Variants in MGAT4C observed in about 807,000 individuals in gnomAD.
MGAT4C encodes the protein alpha-1,3-mannosyl-glycoprotein 4-beta-N-acetylglucosaminyltransferase C.
In MGAT4C, 19 loss-of-function variants were observed where a neutral mutation model predicts 40.1. The ratio of observed to expected loss-of-function variants is 0.47; its 90% CI spans 0.33 to 0.70. MGAT4C has a LOEUF of 0.70. MGAT4C is among the 30% of genes least tolerant of loss of function. The probability of loss-of-function intolerance (pLI) is 0.02; values close to 1 mark genes in which losing one functional copy is unlikely to be tolerated. For missense variants in MGAT4C, 491 were observed against 563.2 expected (o/e 0.87, Z 1.30); for synonymous variants, 181 against 187.1 (o/e 0.97, Z 0.27).
chr12:86,769,427 C>T (rs1372159757), intron 1 of MGAT4C, among the ~76,000 whole-genome samples: 3 of 152,098 alleles, frequency 2.0e-5, no homozygotes, highest in African/African-American at 4.8e-5. Context: ...GGATTGTAAA[C>T]TAGTTCAACC....
intron 2 of MGAT4C, among the ~76,000 whole-genome samples, chr12:86,539,534 T>A (rs559858886): frequency 3.3e-5 from 5 of 152,226 alleles, no homozygotes; most frequent in Non-Finnish European, 7.3e-5. Flanking sequence ...TTTGGGTATG[T>A]ACCCAGTAAT....
chr12:86,481,320 G>T (rs1011965306), intron 2 of MGAT4C, among the ~76,000 whole-genome samples: 5 of 151,976 alleles, frequency 3.3e-5, no homozygotes, highest in African/African-American at 4.8e-5. Context: ...AATTGGCAAA[G>T]ATTTTTTTAA....
chr12:86,597,218 T>C (rs1401736515), intron 2 of MGAT4C, among the ~76,000 whole-genome samples: 1 of 152,206 alleles, frequency 6.6e-6, no homozygotes, highest in Non-Finnish European at 1.5e-5. Context: ...CCCGGCAGTT[T>C]CATTCCTGTA....
intron 2 of MGAT4C, among the ~76,000 whole-genome samples, chr12:86,447,289 C>A (rs905467283): frequency 1.3e-5 from 2 of 152,098 alleles, no homozygotes; most frequent in African/African-American, 2.4e-5. Context: ...CCACTCCTGG[C>A]TAATTTTGTA....
chr12:86,761,119 T>C (rs1951397447), intron 1 of MGAT4C, among the ~76,000 whole-genome samples: 1 of 152,184 alleles, frequency 6.6e-6, no homozygotes, highest in East Asian at 1.9e-4. Context: ...AAATTGCTGA[T>C]TTGGGCATAA....
intron 3 of MGAT4C, among the ~76,000 whole-genome samples, chr12:86,405,076 T>C (rs894468699): frequency 2.0e-5 from 3 of 152,042 alleles, no homozygotes; most frequent in East Asian, 1.9e-4. Context: ...CTATGAAAGA[T>C]TCCCCAGAAT....
chr12:86,129,222 C>T (rs1404958446), intron 1 of MGAT4C, among the ~76,000 whole-genome samples: 3 of 124,644 alleles, frequency 2.4e-5, no homozygotes, highest in South Asian at 2.9e-4. Flanking sequence ...TTAAGCATTT[C>T]GTGGGGTGGG....
At position 86,233,754 on chromosome 12, in the gene MGAT4C, A is replaced by AT. The variant is rs538090584; in HGVS notation, c.-57+22484dup. Among the ~76,000 whole-genome samples, 56 of 152,252 alleles carry AT rather than the reference A, an allele frequency of 3.7e-4. 1 individual carries two copies. In the South Asian group the frequency reaches 1.0e-2, roughly 27 times the overall value. ...TAAAGAAAAACTCATGAAAATAACT[A>AT]TTTTTTGAGCTGAATTATCCTCTAT... On this transcript the variant is annotated intron_variant, in intron 1 of 4. Coordinates refer to ENST00000611864, the MANE Select transcript of MGAT4C (RefSeq NM_001351288.2).
At chr12:86,093,313 T>G (rs1873223155) in intron 1 of MGAT4C, among the ~76,000 whole-genome samples, 1 of 152,166 alleles carries the variant, frequency 6.6e-6, no homozygotes, top group Admixed American at 6.6e-5. Context: ...AAAAATTATT[T>G]TACTTTCTTG....
chr12:86,006,340 AT>A (rs956237066), intron 2 of MGAT4C, among the ~76,000 whole-genome samples: 1 of 152,036 alleles, frequency 6.6e-6, no homozygotes, highest in Non-Finnish European at 1.5e-5. Flanking sequence ...CTAACCATTA[AT>A]TTTTTTGTTA....
chr12:86,723,546 A>G (rs1950770983), intron 2 of MGAT4C, among the ~76,000 whole-genome samples: 1 of 152,092 alleles, frequency 6.6e-6, no homozygotes, highest in Non-Finnish European at 1.5e-5. Flanking sequence ...TTTCCCTCTG[A>G]GTAAGTCTGC....
At chr12:86,674,017 A>G (rs1964328638) in intron 2 of MGAT4C, among the ~76,000 whole-genome samples, 5 of 152,072 alleles carry the variant, frequency 3.3e-5, no homozygotes, top group Non-Finnish European at 7.4e-5. Context: ...TGCCTTTATT[A>G]CATTTAAAGA....
At chr12:86,557,846 C>A (rs751811797) in intron 2 of MGAT4C, among the ~76,000 whole-genome samples, 1 of 151,936 alleles carries the variant, frequency 6.6e-6, no homozygotes, top group East Asian at 1.9e-4. Context: ...TCCAAAGAAA[C>A]ATAATAGTGC....
intron 1 of MGAT4C, among the ~76,000 whole-genome samples, chr12:86,771,500 T>C (rs984804173): frequency 2.4e-4 from 37 of 152,068 alleles, no homozygotes; most frequent in African/African-American, 8.9e-4. Flanking sequence ...AAAAAAAAGA[T>C]AGCTGTAGAA....
At chr12:85,998,948 A>G (rs1043928272) in intron 2 of MGAT4C, among the ~76,000 whole-genome samples, 5 of 152,046 alleles carry the variant, frequency 3.3e-5, no homozygotes, top group Middle Eastern at 3.2e-3. Context: ...GTCCATTTTC[A>G]CAGTGCTGAT....
At chr12:86,195,873 C>G (rs1219438204) in intron 1 of MGAT4C, among the ~76,000 whole-genome samples, 1 of 152,118 alleles carries the variant, frequency 6.6e-6, no homozygotes, top group South Asian at 2.1e-4. Flanking sequence ...TATGTATTTA[C>G]TCTACCTAGA....
chr12:86,749,196 T>A (rs772669530), intron 1 of MGAT4C, among the ~76,000 whole-genome samples: 25 of 151,872 alleles, frequency 1.6e-4, no homozygotes, highest in Non-Finnish European at 2.8e-4. Flanking sequence ...AATATTTATT[T>A]GCTAACTTTC....
intron 2 of MGAT4C, among the ~76,000 whole-genome samples, chr12:86,492,874 G>C (rs1190435315): frequency 6.6e-6 from 1 of 152,028 alleles, no homozygotes; most frequent in Non-Finnish European, 1.5e-5. Flanking sequence ...TACAGAATGG[G>C]AGAAAATTTT....
At chr12:86,106,942 G>A (rs894746892) in intron 1 of MGAT4C, among the ~76,000 whole-genome samples, 2 of 152,126 alleles carry the variant, frequency 1.3e-5, no homozygotes, top group Non-Finnish European at 2.9e-5. Context: ...CAGAGTTTTT[G>A]TGAAGTGGAG....
Sources: allele counts gnomAD v4.1 joint callset (sites outside exome capture counted in the v4.1 genomes callset), GRCh38; gene constraint gnomAD v4.1.1; transcripts MANE v1.5; gene names NCBI Gene and HGNC (gene_info 2026-07-23, HGNC 2026-07-21).